Variants in CRYM observed in about 807,000 individuals in gnomAD.
CRYM encodes the protein ketimine reductase mu-crystallin.
CRYM carries 18 observed loss-of-function variants against 32.9 expected under a neutral mutation model. The observed-to-expected ratio is 0.55, with a 90% CI of 0.38 to 0.81. The LOEUF is 0.81. Among genes scored for constraint, CRYM ranks in the 30% least tolerant of loss-of-function variants. CRYM has a pLI of 0.00. For missense variants in CRYM, 337 were observed against 393.5 expected (o/e 0.86, Z 1.21); for synonymous variants, 153 against 152.4 (o/e 1.00, Z -0.03).
At chr16:21,270,405 C>T (rs2093372828) in intron 3 of CRYM, among the ~76,000 whole-genome samples, 1 of 151,928 alleles carries the variant, frequency 6.6e-6, no homozygotes, top group Admixed American at 6.6e-5. Context: ...TACCTCAGCC[C>T]CCCGTGGAGC....
intron 7 of CRYM, among the ~76,000 whole-genome samples, chr16:21,259,158 G>T (rs1199177107): frequency 6.6e-6 from 1 of 151,724 alleles, no homozygotes; most frequent in Non-Finnish European, 1.5e-5. Flanking sequence ...AAGTGCAGTG[G>T]CGCGATTTTG....
chr16:21,296,126 C>T (rs1960783096), intron 1 of CRYM, among the ~76,000 whole-genome samples: 1 of 152,156 alleles, frequency 6.6e-6, no homozygotes, highest in Non-Finnish European at 1.5e-5. Context: ...TTAGTAGAGA[C>T]AGGGTTTCAC....
intron 1 of CRYM, among the ~76,000 whole-genome samples, chr16:21,285,436 C>T (rs2093405807): frequency 6.6e-6 from 1 of 152,188 alleles, no homozygotes; most frequent in African/African-American, 2.4e-5. Flanking sequence ...GCTCGTGGCC[C>T]TGCCAGAAAG....
rs1597616034 is a variant in CRYM at position 21,267,614 on chromosome 16, T to G, written c.613A>C (p.Thr205Pro). Residue 205 changes from threonine to proline, a missense_variant, in exon 5 of 8, where the codon ACC (threonine) becomes CCC (proline). Coordinates refer to ENST00000572914, the MANE Select transcript of CRYM (RefSeq NM_001376256.1). The part of the protein sequence containing the change: ...VAGADVIITV[T>P]LATEPILFGE... ...AACAAAATGGGCTCTGTTGCCAGGG[T>G]GACTGTGATGATCACATCTGCACCT... 6.2e-7 allele frequency: 1 copy of G among 1,614,118 alleles called. No individual in the cohort carries two copies. The highest frequency in any genetic ancestry group is 8.5e-7 in the Non-Finnish European group (1 of 1,180,010).
chr16:21,275,576 T>C lies in CRYM; in HGVS notation c.343A>G (p.Ile115Val), dbSNP rs201490017. 1.0e-3 allele frequency: 1,675 copies of C among 1,614,102 alleles called. 30 individuals are homozygous for C. In the South Asian group the frequency reaches 0.017, roughly 17 times the overall value. ...TLLAVMDGNVITAKRTAAVSA... is the reference protein window; with the variant it reads ...TLLAVMDGNVVTAKRTAAVSA... ...ACTGCAGCTGTTCTCTTTGCAGTTA[T>C]GACATTTCCATCCATGACCTTGGAG... Residue 115 changes from isoleucine (I) to valine (V), a missense_variant, in exon 3 of 8, where the codon ATA (isoleucine) becomes GTA (valine). By Grantham distance (29) the Ile-to-Val change is conservative (BLOSUM62 3). Coordinates refer to ENST00000572914, the MANE Select transcript of CRYM (RefSeq NM_001376256.1).
Position 21,267,721 on chromosome 16 carries a change from C to A in CRYM, c.506G>T (p.Arg169Leu), listed in dbSNP as rs754271922. The A allele has an allele frequency of 6.2e-7, 1 of 1,614,200 alleles. No homozygotes were observed. The highest frequency in any genetic ancestry group is 8.5e-7 in the Non-Finnish European group (1 of 1,180,024). The change falls in exon 5 of 8, where the codon CGC becomes CTC. Residue 169 changes from arginine (R) to leucine (L), a missense_variant. Physicochemically the swap from Arg to Leu is moderately radical, Grantham distance 102. Transcript: ENST00000572914. ...AAACTTCTCTGCATTTTCTTTGGTG[C>A]GGTTCCATATCCTCACCTTCATTGG... ...FSFKEVRIWN[R>L]TKENAEKFAD... is the part of the protein sequence containing the mutation.
At chr16:21,286,112 AG>A (rs1277303309) in intron 1 of CRYM, among the ~76,000 whole-genome samples, 1 of 152,236 alleles carries the variant, frequency 6.6e-6, no homozygotes, top group African/African-American at 2.4e-5. Context: ...CTTAAGAAGA[AG>A]CCAATTTTGG....
chr16:21,286,906 C>A (rs59837830), intron 1 of CRYM, among the ~76,000 whole-genome samples: 2,407 of 151,886 alleles, frequency 0.016, 85 homozygotes, highest in East Asian at 0.076. Context: ...CTGGCTAACA[C>A]GGTGAAACCC....
intron 3 of CRYM, 132 bp downstream of exon 3, chr16:21,275,400 C>A (rs538838257): frequency 1.4e-6 from 1 of 734,500 alleles, no homozygotes; most frequent in African/African-American, 1.7e-5. Context: ...ATATATCTGA[C>A]ATCTGGAGTT....
At position 21,273,372 on chromosome 16, in the gene CRYM, AG is replaced by A. The variant is rs560450499; in HGVS notation, c.387+2159del. On this transcript the variant is annotated intron_variant, in intron 3 of 7. Transcript: ENST00000572914. ...AGTTCATCTGAGCCCCTGGAAATAA[AG>A]CTGTGAAGTTTCAGCCTAAACTTTG... is the stretch of plus-strand genomic sequence containing the variant. Among the ~76,000 whole-genome samples the A allele has an allele frequency of 5.9e-5, 9 of 152,358 alleles. No homozygotes were observed. The East Asian group carries it at 1.5e-3, about 26-fold the overall frequency.
intron 3 of CRYM, among the ~76,000 whole-genome samples, chr16:21,271,205 A>G (rs1278798935): frequency 6.6e-6 from 1 of 151,944 alleles, no homozygotes; most frequent in Non-Finnish European, 1.5e-5. Context: ...AGCATTTTCC[A>G]CCCCTTCAAG....
chr16:21,261,981 G>A, intron 6 of CRYM, 56 bp downstream of exon 6: 1 of 1,611,148 alleles, frequency 6.2e-7, no homozygotes. Context: ...TGAAACCCTG[G>A]GATCCAGGTG....
chr16:21,264,396 G>A (rs2093360134), intron 5 of CRYM, among the ~76,000 whole-genome samples: 1 of 152,138 alleles, frequency 6.6e-6, no homozygotes, highest in Middle Eastern at 3.2e-3. Context: ...GGATGGAGGT[G>A]GGCCAGGCAG....
chr16:21,300,302 TCTGAGTTGGGGG>T (rs1960879909), intron 1 of CRYM: 1 of 152,050 alleles, frequency 6.6e-6, no homozygotes, highest in Non-Finnish European at 1.5e-5. Flanking sequence ...GAGAGGCTCA[TCTGAGTTGGGGG>T]CTGAAGGGGA....
chr16:21,287,347 A>G (rs2093409165), intron 1 of CRYM, among the ~76,000 whole-genome samples: 1 of 152,212 alleles, frequency 6.6e-6, no homozygotes, highest in African/African-American at 2.4e-5. Context: ...ATGATATAAC[A>G]GAAATATGTA....
chr16:21,286,660 A>G (rs1030579818), intron 1 of CRYM, among the ~76,000 whole-genome samples: 8 of 152,202 alleles, frequency 5.3e-5, no homozygotes, highest in African/African-American at 1.9e-4. Context: ...AACATACTTT[A>G]ATAACACTTT....
At chr16:21,302,404 T>G (rs999029982) in intron 1 of CRYM, among the ~76,000 whole-genome samples, 9 of 152,188 alleles carry the variant, frequency 5.9e-5, no homozygotes, top group African/African-American at 1.9e-4. Flanking sequence ...GTTCAGTGAT[T>G]ATAGGTAGTT....
upstream of CRYM, among the ~76,000 whole-genome samples, chr16:21,281,317 T>C (rs1383760384): frequency 6.6e-6 from 1 of 151,726 alleles, no homozygotes; most frequent in Non-Finnish European, 1.5e-5. Context: ...TGCAGTGGCA[T>C]GATCTCAAGT....
upstream of CRYM, among the ~76,000 whole-genome samples, chr16:21,281,090 G>A (rs2093397126): frequency 6.7e-6 from 1 of 148,960 alleles, no homozygotes; most frequent in African/African-American, 2.5e-5. Context: ...GGACAACAGA[G>A]TGATTCTCTC....
Sources: allele counts gnomAD v4.1 joint callset (sites outside exome capture counted in the v4.1 genomes callset), GRCh38; gene constraint gnomAD v4.1.1; transcripts MANE v1.5; gene names NCBI Gene and HGNC (gene_info 2026-07-23, HGNC 2026-07-21).